Variants in PHACTR2 observed in about 807,000 individuals in gnomAD.
PHACTR2 encodes the protein phosphatase and actin regulator 2.
Under a neutral mutation model 76.0 loss-of-function variants are expected in PHACTR2, and 30 were observed. That is an observed-to-expected ratio of 0.39 (90% CI 0.30 to 0.54). PHACTR2 has a LOEUF of 0.54. Ranked by LOEUF, PHACTR2 falls within the 20% of genes least tolerant of loss-of-function variation. PHACTR2 has a pLI of 0.61. For synonymous variants in PHACTR2, 292 were observed against 292.5 expected, an observed-to-expected ratio of 1.00 and a Z score of 0.02; for missense variants, 696 against 781.1, an observed-to-expected ratio of 0.89 and a Z score of 1.30.
Position 143,709,546 on chromosome 6 carries a change from GT to G in PHACTR2, c.47-2466del. On this transcript the variant is annotated intron_variant, in intron 1 of 12. Coordinates refer to ENST00000440869, the MANE Select transcript of PHACTR2 (RefSeq NM_001100164.2). This position sits in a 1 kb window ranked among gnomAD's most constrained non-coding sequence, Gnocchi z 4.4. ...CTCTAGATCTTGTTTGAAACCTTTGGTTTTAACTGGCTTTGTCTGACACCTC... is the reference window on the plus strand; with the variant it reads ...CTCTAGATCTTGTTTGAAACCTTTGGTTTAACTGGCTTTGTCTGACACCTC... Among the ~76,000 whole-genome samples the G allele has an allele frequency of 6.6e-6, 1 of 152,302 alleles. No homozygotes were observed. Among genetic ancestry groups the G allele is most frequent in the Non-Finnish European group, 1.5e-5 (1 of 68,024 alleles).
At chr6:143,669,167 T>A (rs1450002656) in intron 1 of PHACTR2, among the ~76,000 whole-genome samples, 4 of 152,240 alleles carry the variant, frequency 2.6e-5, no homozygotes, top group Non-Finnish European at 5.9e-5. Context: ...TCAGTTTCCA[T>A]GTAGTTGTGC....
chr6:143,698,672 A>C lies in PHACTR2; in HGVS notation c.47-13344A>C, dbSNP rs1582784037. ...CCCCCACATTTCCTACTCACTACAC[A>C]CTGCAGGTCTACGTTTGGGTGGATG... On this transcript the variant is annotated intron_variant, in intron 1 of 12. Coordinates refer to ENST00000440869, the MANE Select transcript of PHACTR2 (RefSeq NM_001100164.2). The surrounding 1 kb of genome is among the most constrained non-coding windows in gnomAD (Gnocchi z 4.3). 6.6e-6 allele frequency among the ~76,000 whole-genome samples: 1 copy of C among 152,244 alleles called. No individual in the cohort carries two copies. Among genetic ancestry groups the C allele is most frequent in the East Asian group, 1.9e-4 (1 of 5,180 alleles).
rs746029770 is a variant in PHACTR2 at position 143,678,196 on chromosome 6, G to C, written c.33G>C (p.Pro11=). 3.9e-6 allele frequency: 6 copies of C among 1,536,032 alleles called. No homozygotes were observed. Among genetic ancestry groups the C allele is most frequent in the Non-Finnish European group, 4.4e-6 (5 of 1,140,762 alleles). The change falls in exon 1 of 13, where the codon CCG becomes CCC. Residue 11 remains proline (P), a synonymous_variant. Transcript: ENST00000440869. The surrounding 1 kb of genome is among the most constrained non-coding windows in gnomAD (Gnocchi z 6.2). Reference sequence around the variant, plus strand: ...AGACCTCGGTGTCCACGCTGTCCCCGCAGCCCGGCAGCGGTGAGTCCGGGG... The same window carrying C: ...AGACCTCGGTGTCCACGCTGTCCCCCCAGCCCGGCAGCGGTGAGTCCGGGG... MGQTSVSTLS[P]QPGSVDGLDK... is the part of the protein sequence containing the mutation.
rs1775173063 is a variant in PHACTR2, at chr6:143,556,289, G to C, written c.217+19082G>C. Reference sequence around the variant, plus strand: ...ATTTATTTCAGGACATTAAGGTATGGACTTTAGGTGTGGGGCATCTCCAAT... The same window carrying C: ...ATTTATTTCAGGACATTAAGGTATGCACTTTAGGTGTGGGGCATCTCCAAT... On this transcript the variant is annotated intron_variant, in intron 1 of 11. Coordinates refer to the PHACTR2 transcript ENST00000367584. The surrounding 1 kb of genome is among the most constrained non-coding windows in gnomAD (Gnocchi z 4.3). Among the ~76,000 whole-genome samples the C allele has an allele frequency of 6.6e-6, 1 of 152,208 alleles. No homozygotes were observed. Among genetic ancestry groups the C allele is most frequent in the Admixed American group, 6.5e-5 (1 of 15,290 alleles).
chr6:143,712,577 A>G (rs1778202135), intron 2 of PHACTR2, among the ~76,000 whole-genome samples: 1 of 151,772 alleles, frequency 6.6e-6, no homozygotes, highest in African/African-American at 2.4e-5. Context: ...TAATATATAA[A>G]TATTTAACGA....
intron 1 of PHACTR2, among the ~76,000 whole-genome samples, chr6:143,640,878 G>C (rs1293131643): frequency 6.6e-6 from 1 of 152,134 alleles, no homozygotes; most frequent in African/African-American, 2.4e-5. Context: ...GATGACCCAG[G>C]TGGGCCCTAA....
upstream of PHACTR2, among the ~76,000 whole-genome samples, chr6:143,676,627 C>T (rs538028169): frequency 1.9e-4 from 29 of 152,156 alleles, no homozygotes; most frequent in African/African-American, 7.0e-4. This position sits in a 1 kb window ranked among gnomAD's most constrained non-coding sequence, Gnocchi z 4.8. Context: ...CATCGCTTAG[C>T]GCCCCAGGTG....
At position 143,579,659 on chromosome 6, in the gene PHACTR2, C is replaced by G. The variant is rs542257953; in HGVS notation, c.217+42452C>G. On this transcript the variant is annotated intron_variant, in intron 1 of 11. Coordinates refer to the PHACTR2 transcript ENST00000367584. ...CTGGGAAGGTGAGCGGAAGGGGCCT[C>G]TTCTGCAGATGGTGGCCTGGAGGAG... is the stretch of plus-strand genomic sequence containing the variant. Among the ~76,000 whole-genome samples the G allele has an allele frequency of 2.0e-5, 3 of 152,272 alleles. No individual in the cohort carries two copies. The South Asian group carries it at 6.2e-4, about 32-fold the overall frequency.
rs1777809092 is a variant in PHACTR2 at position 143,697,920 on chromosome 6, T to A, written c.47-14096T>A. Among the ~76,000 whole-genome samples the A allele has an allele frequency of 1.3e-5, 2 of 152,224 alleles. No homozygotes were observed. The highest frequency in any genetic ancestry group is 2.1e-4 in the South Asian group (1 of 4,834). ...CTAATCTAGTGGTGAGAAGTATTAT[T>A]TTTTCTTGCTTCTCAGAGAGGTAGT... On this transcript the variant is annotated intron_variant, in intron 1 of 12. Coordinates refer to ENST00000440869, the MANE Select transcript of PHACTR2 (RefSeq NM_001100164.2). The surrounding 1 kb of genome is among the most constrained non-coding windows in gnomAD (Gnocchi z 4.4).
chr6:143,740,650 G>A (rs552615806), intron 2 of PHACTR2, among the ~76,000 whole-genome samples: 10 of 152,286 alleles, frequency 6.6e-5, no homozygotes, highest in Non-Finnish European at 1.5e-4. Flanking sequence ...CGGGGTGAGA[G>A]TGAGAATTTA....
rs1043652213 is a variant in PHACTR2 at position 143,782,130 on chromosome 6, A to C, written c.1646-1089A>C. On this transcript the variant is annotated intron_variant, in intron 9 of 12. Coordinates refer to ENST00000440869, the MANE Select transcript of PHACTR2 (RefSeq NM_001100164.2). This position sits in a 1 kb window ranked among gnomAD's most constrained non-coding sequence, Gnocchi z 4.6. ...ATTTCATACCTGTCATGGATTAAAA[A>C]AATTTTTTTTAATTGAACCCGGGAA... 1.3e-5 allele frequency among the ~76,000 whole-genome samples: 2 copies of C among 152,184 alleles called. No individual in the cohort carries two copies. Among genetic ancestry groups the C allele is most frequent in the African/African-American group, 4.8e-5 (2 of 41,448 alleles).
chr6:143,746,492 C>T (rs923905863), intron 2 of PHACTR2, among the ~76,000 whole-genome samples: 2 of 152,182 alleles, frequency 1.3e-5, no homozygotes, highest in African/African-American at 4.8e-5. Flanking sequence ...CTTGCTCTTG[C>T]AGTTGCCACC....
rs558569515 is a variant in PHACTR2 at position 143,581,086 on chromosome 6, G to A, written c.217+43879G>A. Reference sequence around the variant, plus strand: ...TTGGAAAAGTGTGGGAAATCCCTCAGGGCCAAAACCAGAGGGAGTTGGACA... The same window carrying A: ...TTGGAAAAGTGTGGGAAATCCCTCAAGGCCAAAACCAGAGGGAGTTGGACA... On this transcript the variant is annotated intron_variant, in intron 1 of 11. Transcript: ENST00000367584. The surrounding 1 kb of genome is among the most constrained non-coding windows in gnomAD (Gnocchi z 4.5). Among the ~76,000 whole-genome samples the A allele has an allele frequency of 3.3e-5, 5 of 152,304 alleles. No individual in the cohort carries two copies. In the South Asian group the frequency reaches 1.0e-3, roughly 32 times the overall value.
intron 2 of PHACTR2, among the ~76,000 whole-genome samples, chr6:143,715,405 C>A (rs567087205): frequency 8.5e-5 from 13 of 152,324 alleles, no homozygotes; most frequent in African/African-American, 3.1e-4. Flanking sequence ...CTTTCCTATA[C>A]CCACATCCCT....
intron 1 of PHACTR2, among the ~76,000 whole-genome samples, chr6:143,579,659 C>T (rs542257953): frequency 1.3e-5 from 2 of 152,154 alleles, no homozygotes; most frequent in Admixed American, 1.3e-4. Context: ...GAAGGGGCCT[C>T]TTCTGCAGAT....
intron 1 of PHACTR2, among the ~76,000 whole-genome samples, chr6:143,642,146 C>T (rs980504371): frequency 2.0e-5 from 3 of 152,188 alleles, no homozygotes; most frequent in African/African-American, 7.2e-5. Flanking sequence ...TGGCCTTATA[C>T]TGACACTGTT....
intron 6 of PHACTR2, among the ~76,000 whole-genome samples, chr6:143,770,378 G>T (rs1450289268): frequency 6.6e-6 from 1 of 152,160 alleles, no homozygotes; most frequent in Non-Finnish European, 1.5e-5. Flanking sequence ...TGTTTAATGG[G>T]TAGAGTTTCA....
chr6:143,595,357 T>C lies in PHACTR2; in HGVS notation c.217+58150T>C, dbSNP rs1367424234. Among the ~76,000 whole-genome samples the C allele has an allele frequency of 2.6e-5, 4 of 152,210 alleles. No homozygotes were observed. Among genetic ancestry groups the C allele is most frequent in the Non-Finnish European group, 1.5e-5 (1 of 68,032 alleles). On this transcript the variant is annotated intron_variant, in intron 1 of 11. Transcript: ENST00000367584. This position sits in a 1 kb window ranked among gnomAD's most constrained non-coding sequence, Gnocchi z 4.2. ...CTTTATTTCCAGCATTCGACCAAAA[T>C]GCAGGGATTTGGGCCACATTTACTT... is the stretch of plus-strand genomic sequence containing the variant.
At chr6:143,672,976 CG>C (rs1777182598), upstream of PHACTR2, among the ~76,000 whole-genome samples, 1 of 152,106 alleles carries the variant, frequency 6.6e-6, no homozygotes. This position sits in a 1 kb window ranked among gnomAD's most constrained non-coding sequence, Gnocchi z 5.8. Context: ...CCGCCCACCT[CG>C]GCCTCCCAAA....
Sources: allele counts gnomAD v4.1 joint callset (sites outside exome capture counted in the v4.1 genomes callset), GRCh38; gene constraint gnomAD v4.1.1; non-coding constraint Gnocchi (gnomAD v3.1); transcripts MANE v1.5; gene names NCBI Gene and HGNC (gene_info 2026-07-23, HGNC 2026-07-21).